NEGR1: variants seen among roughly 807,000 people sequenced by gnomAD.
NEGR1 encodes the protein neuronal growth regulator 1, also known as IgLON family member 4.
Under a neutral mutation model 40.9 loss-of-function variants are expected in NEGR1, and 10 were observed. That is an observed-to-expected ratio of 0.24 (90% CI 0.15 to 0.42). The LOEUF is 0.42. Ranked by LOEUF, NEGR1 falls within the 10% of genes least tolerant of loss-of-function variation. The probability of loss-of-function intolerance (pLI) is 1.00; values close to 1 mark genes in which losing one functional copy is unlikely to be tolerated. For synonymous variants in NEGR1, 185 were observed against 166.8 expected (o/e 1.11, Z -0.84); for missense variants, 352 against 438.9 (o/e 0.80, Z 1.77).
chr1:71,884,768 C>G (rs1180355003), intron 2 of NEGR1, among the ~76,000 whole-genome samples: 1 of 152,174 alleles, frequency 6.6e-6, no homozygotes, highest in Non-Finnish European at 1.5e-5. Flanking sequence ...AAAAACCTAT[C>G]AACAGGCAAT....
At chr1:71,879,370 G>A (rs1049831282) in intron 2 of NEGR1, among the ~76,000 whole-genome samples, 2 of 152,084 alleles carry the variant, frequency 1.3e-5, no homozygotes, top group South Asian at 2.1e-4. Flanking sequence ...CAGATAATTT[G>A]TTATTTAAAA....
intron 1 of NEGR1, among the ~76,000 whole-genome samples, chr1:72,112,886 G>A (rs775270537): frequency 8.6e-5 from 13 of 151,464 alleles, no homozygotes; most frequent in Admixed American, 3.3e-4. Context: ...TCTTTTCCCC[G>A]ACTTTTTTCA....
chr1:71,876,849 A>C (rs1399815512), intron 2 of NEGR1, among the ~76,000 whole-genome samples: 6 of 152,080 alleles, frequency 3.9e-5, no homozygotes, highest in Non-Finnish European at 8.8e-5. Context: ...ACTAAACTCT[A>C]AATTAGGAAG....
At chr1:72,277,597 T>C (rs1003262404) in intron 1 of NEGR1, among the ~76,000 whole-genome samples, 1 of 152,146 alleles carries the variant, frequency 6.6e-6, no homozygotes, top group Non-Finnish European at 1.5e-5. Flanking sequence ...TGCAAATCAA[T>C]ATAGGTAACA....
intron 1 of NEGR1, among the ~76,000 whole-genome samples, chr1:72,087,231 A>G (rs952961203): frequency 5.9e-5 from 9 of 152,118 alleles, no homozygotes; most frequent in Admixed American, 1.3e-4. Flanking sequence ...AGCCTGACCA[A>G]CATGGTCAAA....
chr1:71,776,333 T>G, intron 2 of NEGR1, 36 bp from the exon 3 acceptor site: 1 of 1,399,936 alleles, frequency 7.1e-7, no homozygotes. Context: ...TAGAAAAAAA[T>G]ATATAAAGTT....
At chr1:71,994,825 T>C (rs1223357159) in intron 1 of NEGR1, among the ~76,000 whole-genome samples, 1 of 151,842 alleles carries the variant, frequency 6.6e-6, no homozygotes, top group African/African-American at 2.4e-5. Context: ...AGTCTAGGAG[T>C]TCCCCAGAGA....
intron 2 of NEGR1, among the ~76,000 whole-genome samples, chr1:71,802,487 C>T (rs1020601639): frequency 6.6e-6 from 1 of 152,092 alleles, no homozygotes; most frequent in South Asian, 2.1e-4. Flanking sequence ...CACCATAGGC[C>T]CAGAGCATGC....
intron 1 of NEGR1, among the ~76,000 whole-genome samples, chr1:72,187,116 A>G: frequency 6.6e-6 from 1 of 151,488 alleles, no homozygotes; most frequent in East Asian, 1.9e-4. Flanking sequence ...CAGAGAAGGG[A>G]TGCTATGCTT....
chr1:72,039,591 G>A lies in NEGR1; in HGVS notation c.177-104280C>T, dbSNP rs568718454. The stretch of plus-strand genomic sequence containing the variant: ...AACAACAAAATTATTTGTATTTCCC[G>A]ATACCAACTCAATATTGGGATCAAG... On this transcript the variant is annotated intron_variant, in intron 1 of 6. Coordinates refer to ENST00000357731, the MANE Select transcript of NEGR1 (RefSeq NM_173808.3). 2.6e-5 allele frequency among the ~76,000 whole-genome samples: 4 copies of A among 152,014 alleles called. No homozygotes were observed. In the East Asian group the frequency reaches 5.8e-4, roughly 22 times the overall value.
intron 1 of NEGR1, among the ~76,000 whole-genome samples, chr1:72,246,320 A>G (rs17525406): frequency 0.18 from 27,801 of 152,094 alleles, 3,155 homozygotes; most frequent in South Asian, 0.26. Flanking sequence ...TCCTTTTATG[A>G]TAACATCGTG....
intron 1 of NEGR1, among the ~76,000 whole-genome samples, chr1:71,944,262 C>T (rs1414028971): frequency 6.6e-6 from 1 of 152,142 alleles, no homozygotes; most frequent in African/African-American, 2.4e-5. Context: ...ATAATGAAAA[C>T]TACATTCAAA....
chr1:71,611,607 T>C (rs777922337), intron 4 of NEGR1, among the ~76,000 whole-genome samples: 1 of 152,236 alleles, frequency 6.6e-6, no homozygotes, highest in Non-Finnish European at 1.5e-5. Flanking sequence ...TTCAGAGATG[T>C]TAAATGAATT....
intron 6 of NEGR1, among the ~76,000 whole-genome samples, chr1:71,480,333 G>A (rs529762996): frequency 1.3e-5 from 2 of 151,844 alleles, no homozygotes; most frequent in African/African-American, 2.4e-5. Context: ...AGGGTAATAA[G>A]TAACTAATAA....
At chr1:71,765,064 G>T (rs1252698317) in intron 3 of NEGR1, among the ~76,000 whole-genome samples, 2 of 151,644 alleles carry the variant, frequency 1.3e-5, no homozygotes, top group Non-Finnish European at 2.9e-5. Context: ...TCGGCTGCCA[G>T]TCTGATCCAC....
At chr1:72,039,854 C>G (rs187260518) in intron 1 of NEGR1, among the ~76,000 whole-genome samples, 1 of 152,066 alleles carries the variant, frequency 6.6e-6, no homozygotes, top group Admixed American at 6.6e-5. Flanking sequence ...TTAACTTACA[C>G]TGATAATCAT....
chr1:71,759,596 CTTTTTTTTTTTT>C (rs71074804), intron 3 of NEGR1, among the ~76,000 whole-genome samples: 755 of 31,880 alleles, frequency 0.024, 6 homozygotes, highest in Non-Finnish European at 0.037. Context: ...TGCGTCCAGG[CTTTTTTTTTTTT>C]TTTTTTTTTT....
intron 4 of NEGR1, among the ~76,000 whole-genome samples, chr1:71,683,706 G>T (rs1231205474): frequency 6.7e-6 from 1 of 150,202 alleles, no homozygotes; most frequent in African/African-American, 2.5e-5. Flanking sequence ...TTCACTCTGG[G>T]TTGTTTTGAT....
At chr1:71,461,603 T>C (rs1646714868) in intron 6 of NEGR1, 1 of 152,218 alleles carries the variant, frequency 6.6e-6, no homozygotes, top group South Asian at 2.1e-4. Context: ...TGTTTGCTTA[T>C]GTCTAATCTT....
Sources: gnomAD v4.1 joint callset for allele counts (sites outside exome capture counted in the v4.1 genomes callset) on GRCh38, gnomAD v4.1.1 for gene constraint, MANE v1.5 for transcripts, NCBI Gene and HGNC (gene_info 2026-07-23, HGNC 2026-07-21) for gene names.